GFI1B: variants seen among roughly 807,000 people sequenced by gnomAD.
The protein encoded by GFI1B is zinc finger protein Gfi-1b.
A neutral mutation model predicts 35.3 loss-of-function variants in GFI1B; 20 were observed. That is an observed-to-expected ratio of 0.57 (90% CI 0.40 to 0.82). GFI1B has a LOEUF of 0.82. Ranked by LOEUF, GFI1B falls within the 40% of genes least tolerant of loss-of-function variation. The probability of loss-of-function intolerance (pLI) is 0.00; values close to 1 mark genes in which losing one functional copy is unlikely to be tolerated. For missense variants in GFI1B, 430 were observed against 446.3 expected (o/e 0.96, Z 0.33); for synonymous variants, 178 against 177.6 (o/e 1.00, Z -0.02).
chr9:132,958,108 C>A (rs1422738014), intron 1 of GFI1B, among the ~76,000 whole-genome samples: 1 of 151,932 alleles, frequency 6.6e-6, no homozygotes, highest in East Asian at 1.9e-4. Flanking sequence ...CAGTGAGGAG[C>A]CTTGAAGGAT....
intron 6 of GFI1B, among the ~76,000 whole-genome samples, chr9:132,990,325 AGTCATTCATTCATTTGTTCACTCATTTG>A (rs1849249264): frequency 1.4e-5 from 2 of 147,484 alleles, no homozygotes; most frequent in African/African-American, 5.1e-5. Context: ...TCATTTGTTC[AGTCATTCATTCATTTGTTCACTCATTTG>A]CTCATTCATT....
chr9:132,972,315 G>A (rs1222959912), intron 1 of GFI1B, among the ~76,000 whole-genome samples: 16 of 152,166 alleles, frequency 1.1e-4, no homozygotes, highest in Admixed American at 7.2e-4. Context: ...CCAGCTACTC[G>A]GGAGGCTGAG....
chr9:132,978,425 A>T (rs1212221403), upstream of GFI1B: 1 of 152,240 alleles, frequency 6.6e-6, no homozygotes, highest in Admixed American at 6.5e-5. Flanking sequence ...TTTAATTTTT[A>T]AAATTTAATA....
Position 132,988,475 on chromosome 9 carries a change from A to G in GFI1B, c.510+7A>G. 1 of 1,612,770 alleles carries G rather than the reference A, an allele frequency of 6.2e-7. No homozygotes were observed. The highest frequency in any genetic ancestry group is 8.5e-7 in the Non-Finnish European group (1 of 1,179,846). ...CTGTGTGAAGTGCAACAAGGTGGGC[A>G]GCGGGGGGTGTGGTGGGCACCTGGG... On this transcript the variant is annotated splice_region_variant and intron_variant, in intron 4 of 6. Transcript: ENST00000372122.
At chr9:132,962,275 C>T (rs866212699) in intron 1 of GFI1B, among the ~76,000 whole-genome samples, 3 of 151,866 alleles carry the variant, frequency 2.0e-5, no homozygotes, top group Middle Eastern at 6.8e-3. Flanking sequence ...GTAGCTGGGG[C>T]CACAGATGCG....
chr9:132,988,610 C>G (rs1267409789), intron 4 of GFI1B, 142 bp downstream of exon 4: 2 of 786,428 alleles, frequency 2.5e-6, no homozygotes, highest in Admixed American at 4.4e-5. Context: ...ATCCTCATCA[C>G]CATTCATTGA....
intron 1 of GFI1B, among the ~76,000 whole-genome samples, chr9:132,969,173 C>T (rs183523033): frequency 2.6e-4 from 40 of 152,134 alleles, no homozygotes; most frequent in African/African-American, 7.0e-4. Flanking sequence ...GGACTACAGG[C>T]GCGCACCACC....
At chr9:132,993,234 C>T (rs1849333840), downstream of GFI1B, among the ~76,000 whole-genome samples, 1 of 152,182 alleles carries the variant, frequency 6.6e-6, no homozygotes, top group African/African-American at 2.4e-5. Flanking sequence ...GTGGAAGTTG[C>T]AGTGAGCCGA....
upstream of GFI1B, among the ~76,000 whole-genome samples, chr9:132,977,168 G>T (rs1848654635): frequency 6.6e-6 from 1 of 152,156 alleles, no homozygotes; most frequent in Admixed American, 6.5e-5. Context: ...TGTTGGTCAG[G>T]CTGGTCTTGA....
chr9:132,947,426 AAAAAG>A (rs1472590068), intron 1 of GFI1B, among the ~76,000 whole-genome samples: 78 of 94,198 alleles, frequency 8.3e-4, no homozygotes, highest in Middle Eastern at 5.2e-3. Context: ...AAAAAAAAAA[AAAAAG>A]AAAGAAAAAG....
chr9:132,983,417 G>T (rs1241681166), intron 1 of GFI1B, among the ~76,000 whole-genome samples: 1 of 152,032 alleles, frequency 6.6e-6, no homozygotes, highest in African/African-American at 2.4e-5. Flanking sequence ...GGCTGGTCTC[G>T]AACTCCTGAT....
intron 1 of GFI1B, among the ~76,000 whole-genome samples, chr9:132,950,675 CTA>C (rs1276500277): frequency 3.7e-5 from 3 of 81,510 alleles, no homozygotes; most frequent in Non-Finnish European, 7.7e-5. Flanking sequence ...TCACTACGCA[CTA>C]TACACACTAT....
Position 132,991,169 on chromosome 9 carries a change from C to T in GFI1B, c.*119C>T. On this transcript the variant is annotated 3_prime_UTR_variant, in exon 7 of 7. Transcript: ENST00000372122. ...GTGGGACTGGACAGGAGTCTACCAG[C>T]TTGTTTTGAGACTCATGAAATTGCT... 3 of 914,620 alleles carry T rather than the reference C, an allele frequency of 3.3e-6. No homozygotes were observed. The highest frequency in any genetic ancestry group is 5.2e-6 in the Non-Finnish European group (3 of 582,410). The allele number at this position is 914,620 out of a possible 1,614,324, so 56.7% of individuals were successfully genotyped here.
chr9:132,986,424 A>G (rs374383143), intron 1 of GFI1B, among the ~76,000 whole-genome samples: 4 of 152,140 alleles, frequency 2.6e-5, no homozygotes, highest in African/African-American at 9.7e-5. Flanking sequence ...GACACGAGTC[A>G]TCTTGGATTG....
intron 1 of GFI1B, among the ~76,000 whole-genome samples, chr9:132,967,798 C>G (rs1337712412): frequency 6.6e-6 from 1 of 151,236 alleles, no homozygotes; most frequent in African/African-American, 2.5e-5. Context: ...TTCTTTTTTT[C>G]TCAGATGGAC....
intron 1 of GFI1B, among the ~76,000 whole-genome samples, chr9:132,985,094 G>A (rs1431400376): frequency 2.0e-5 from 3 of 152,194 alleles, no homozygotes; most frequent in Non-Finnish European, 1.5e-5. Flanking sequence ...CTCCTCTGAC[G>A]CCTCAGGCAT....
chr9:132,954,574 CAAA>C (rs111946842), intron 1 of GFI1B, among the ~76,000 whole-genome samples: 8 of 107,680 alleles, frequency 7.4e-5, no homozygotes, highest in Admixed American at 9.8e-5. Flanking sequence ...GACTCTGTCT[CAAA>C]AAAAAAAAAA....
intron 1 of GFI1B, among the ~76,000 whole-genome samples, chr9:132,959,719 G>A (rs987173995): frequency 6.6e-6 from 1 of 152,172 alleles, no homozygotes; most frequent in East Asian, 1.9e-4. Context: ...GGTTCCGAGG[G>A]AGCAGCTGTT....
intron 1 of GFI1B, among the ~76,000 whole-genome samples, chr9:132,955,808 A>ATATGTG (rs1848274309): frequency 1.4e-5 from 2 of 146,552 alleles, no homozygotes; most frequent in South Asian, 2.2e-4. Context: ...GTGTGTGTGC[A>ATATGTG]TGTGTGTGTG....
Sources: allele counts gnomAD v4.1 joint callset (sites outside exome capture counted in the v4.1 genomes callset), GRCh38; gene constraint gnomAD v4.1.1; transcripts MANE v1.5; gene names NCBI Gene and HGNC (gene_info 2026-07-23, HGNC 2026-07-21).